Variants in GALNTL6 observed in about 807,000 individuals in gnomAD.
The protein encoded by GALNTL6 is polypeptide N-acetylgalactosaminyltransferase-like 6.
A neutral mutation model predicts 73.7 loss-of-function variants in GALNTL6; 46 were observed. The ratio of observed to expected loss-of-function variants is 0.62; its 90% CI spans 0.49 to 0.80. GALNTL6 has a LOEUF of 0.80. Among genes scored for constraint, GALNTL6 ranks in the 30% least tolerant of loss-of-function variants. GALNTL6 has a pLI of 0.00. For missense variants in GALNTL6, 604 were observed against 755.0 expected (o/e 0.80, Z 2.34); for synonymous variants, 259 against 263.7 (o/e 0.98, Z 0.17).
At chr4:172,993,713 C>T (rs1315597133) in intron 10 of GALNTL6, among the ~76,000 whole-genome samples, 3 of 152,156 alleles carry the variant, frequency 2.0e-5, no homozygotes, top group Non-Finnish European at 4.4e-5. Context: ...TTGTTCTGTT[C>T]TGCTTTATTT....
intron 5 of GALNTL6, among the ~76,000 whole-genome samples, chr4:172,673,767 G>A (rs1732125304): frequency 6.6e-6 from 1 of 152,132 alleles, no homozygotes; most frequent in South Asian, 2.1e-4. Flanking sequence ...TTTAAAGTCT[G>A]TTTTGTCAGA....
chr4:172,375,585 A>G (rs1014755598), intron 5 of GALNTL6, among the ~76,000 whole-genome samples: 4 of 152,144 alleles, frequency 2.6e-5, no homozygotes, highest in African/African-American at 9.7e-5. Flanking sequence ...CAGCAGAAAC[A>G]ACCCCTACCC....
chr4:171,817,403 C>T lies in GALNTL6; in HGVS notation c.138+2685C>T, dbSNP rs114168960. Among the ~76,000 whole-genome samples the T allele has an allele frequency of 7.6e-3, 1,150 of 150,886 alleles. 19 individuals are homozygous for T. Among genetic ancestry groups the T allele is most frequent in the African/African-American group, 0.027 (1,112 of 41,036 alleles). ...GAATGGCTAATTCTTTTAAAATATA[C>T]GTTATTTATATTTTAGCAGATGATA... On this transcript the variant is annotated intron_variant, in intron 2 of 12. Transcript: ENST00000506823.
chr4:171,870,808 C>A (rs982250332), intron 2 of GALNTL6, among the ~76,000 whole-genome samples: 1 of 152,084 alleles, frequency 6.6e-6, no homozygotes, highest in African/African-American at 2.4e-5. Flanking sequence ...AGCTATAAGC[C>A]AAGGATCTTC....
chr4:172,450,058 A>G (rs558966294), intron 5 of GALNTL6, among the ~76,000 whole-genome samples: 20 of 152,112 alleles, frequency 1.3e-4, no homozygotes, highest in African/African-American at 4.6e-4. Flanking sequence ...TCTCTACTGA[A>G]AATACAAAAT....
intron 5 of GALNTL6, among the ~76,000 whole-genome samples, chr4:172,756,474 T>C (rs1737757322): frequency 6.6e-6 from 1 of 152,058 alleles, no homozygotes; most frequent in Non-Finnish European, 1.5e-5. Context: ...TGAAACCTCA[T>C]CTCTACCAAA....
At chr4:171,827,679 C>G (rs1734860176) in intron 2 of GALNTL6, among the ~76,000 whole-genome samples, 1 of 152,162 alleles carries the variant, frequency 6.6e-6, no homozygotes, top group Non-Finnish European at 1.5e-5. Flanking sequence ...TTTCCTCCTT[C>G]TCTGTATCTT....
At chr4:172,535,777 T>C (rs1350495454) in intron 5 of GALNTL6, among the ~76,000 whole-genome samples, 2 of 152,196 alleles carry the variant, frequency 1.3e-5, no homozygotes, top group Non-Finnish European at 2.9e-5. Context: ...TTGGAAAGCT[T>C]CAACATCCAT....
chr4:172,661,535 T>C (rs1023119110), intron 5 of GALNTL6, among the ~76,000 whole-genome samples: 1 of 152,118 alleles, frequency 6.6e-6, no homozygotes, highest in Non-Finnish European at 1.5e-5. Flanking sequence ...GTTACATTAA[T>C]GGAATAGTTA....
intron 5 of GALNTL6, among the ~76,000 whole-genome samples, chr4:172,454,653 C>A (rs1173701947): frequency 6.6e-6 from 1 of 152,136 alleles, no homozygotes; most frequent in African/African-American, 2.4e-5. Flanking sequence ...ACTGCTGTAC[C>A]CTGCCACTCC....
At chr4:172,381,989 G>A (rs996129857) in intron 5 of GALNTL6, among the ~76,000 whole-genome samples, 2 of 152,162 alleles carry the variant, frequency 1.3e-5, no homozygotes, top group Non-Finnish European at 2.9e-5. Flanking sequence ...GTTTGTTTGA[G>A]ATGGAGTTTC....
chr4:172,767,677 T>C (rs939832497), intron 5 of GALNTL6, among the ~76,000 whole-genome samples: 12 of 148,130 alleles, frequency 8.1e-5, no homozygotes, highest in Non-Finnish European at 1.5e-4. Flanking sequence ...CTTTTTTTTT[T>C]TTTTTTTTGA....
chr4:172,558,809 AT>A (rs1736236467), intron 5 of GALNTL6, among the ~76,000 whole-genome samples: 2 of 152,146 alleles, frequency 1.3e-5, no homozygotes, highest in Non-Finnish European at 2.9e-5. Flanking sequence ...ATTATCTCAT[AT>A]GTCGGTTGCC....
intron 3 of GALNTL6, among the ~76,000 whole-genome samples, chr4:172,263,595 T>G (rs1026066842): frequency 1.3e-5 from 2 of 151,644 alleles, no homozygotes; most frequent in Non-Finnish European, 3.0e-5. Flanking sequence ...TAAATTGATT[T>G]ACTTAAATTT....
intron 5 of GALNTL6, among the ~76,000 whole-genome samples, chr4:172,660,249 C>T (rs1282686772): frequency 6.6e-6 from 1 of 152,196 alleles, no homozygotes; most frequent in African/African-American, 2.4e-5. Context: ...GCACAACTCT[C>T]TCACCCTTGG....
chr4:172,675,688 G>A (rs1732256587), intron 5 of GALNTL6, among the ~76,000 whole-genome samples: 1 of 152,178 alleles, frequency 6.6e-6, no homozygotes, highest in Admixed American at 6.5e-5. Context: ...AAGTCACATG[G>A]CTAAAAAATG....
At chr4:171,889,823 G>A (rs1428503051) in intron 2 of GALNTL6, among the ~76,000 whole-genome samples, 7 of 152,080 alleles carry the variant, frequency 4.6e-5, no homozygotes, top group African/African-American at 9.7e-5. Context: ...TTATAGCAGA[G>A]CAGTTGCAGT....
chr4:171,940,293 G>A (rs1482157491), intron 2 of GALNTL6, among the ~76,000 whole-genome samples: 2 of 151,912 alleles, frequency 1.3e-5, no homozygotes, highest in African/African-American at 4.8e-5. Context: ...CAAAGAGTGG[G>A]TGGAAATGGG....
chr4:172,110,207 T>A (rs1732813401), intron 2 of GALNTL6, among the ~76,000 whole-genome samples: 1 of 152,220 alleles, frequency 6.6e-6, no homozygotes, highest in African/African-American at 2.4e-5. Flanking sequence ...GGGCTCAATG[T>A]TGGATACAGC....
Sources: allele counts gnomAD v4.1 joint callset (sites outside exome capture counted in the v4.1 genomes callset), GRCh38; gene constraint gnomAD v4.1.1; transcripts MANE v1.5; gene names NCBI Gene and HGNC (gene_info 2026-07-23, HGNC 2026-07-21).